TAF2: variants seen among roughly 807,000 people sequenced by gnomAD.
TAF2 encodes the protein TATA-box binding protein associated factor 2.
Under a neutral mutation model 138.5 loss-of-function variants are expected in TAF2, and 61 were observed. The ratio of observed to expected loss-of-function variants is 0.44; its 90% CI spans 0.36 to 0.54. The LOEUF is 0.54. Among genes scored for constraint, TAF2 ranks in the 20% least tolerant of loss-of-function variants. The pLI is 0.00. For synonymous variants in TAF2, 475 were observed against 469.9 expected (o/e 1.01, Z -0.14); for missense variants, 1,090 against 1,427.9 (o/e 0.76, Z 3.81).
intron 2 of TAF2, among the ~76,000 whole-genome samples, chr8:119,823,299 A>C (rs375063966): frequency 5.3e-5 from 8 of 152,182 alleles, no homozygotes; most frequent in Non-Finnish European, 1.2e-4. Context: ...ATTCCACTGA[A>C]GTTACCTGAC....
chr8:119,776,423 C>A (rs1822245574), intron 18 of TAF2, among the ~76,000 whole-genome samples: 1 of 149,294 alleles, frequency 6.7e-6, no homozygotes, highest in Non-Finnish European at 1.5e-5. Flanking sequence ...TGGCTCATGC[C>A]TGTACTCCCA....
intron 2 of TAF2, among the ~76,000 whole-genome samples, chr8:119,828,661 A>G (rs1201163801): frequency 6.6e-6 from 1 of 152,242 alleles, no homozygotes; most frequent in East Asian, 1.9e-4. Context: ...CCATACTACC[A>G]GCTAAGGGAA....
At chr8:119,737,497 ATCTTTT>A (rs762319546) in intron 25 of TAF2, among the ~76,000 whole-genome samples, 68 of 147,312 alleles carry the variant, frequency 4.6e-4, no homozygotes, top group Admixed American at 1.7e-3. Context: ...TAAAGCTTTC[ATCTTTT>A]TCTTTTTCTT....
intron 14 of TAF2, among the ~76,000 whole-genome samples, chr8:119,786,442 A>G (rs945368184): frequency 6.6e-6 from 1 of 152,316 alleles, no homozygotes; most frequent in African/African-American, 2.4e-5. Context: ...ACCAAAAACT[A>G]AAACTTTCAT....
rs899225917 is a variant in TAF2 at position 119,794,412 on chromosome 8, A to G, written c.1192-961T>C. On this transcript the variant is annotated intron_variant, in intron 9 of 25. Coordinates refer to ENST00000378164, the MANE Select transcript of TAF2 (RefSeq NM_003184.4). ...CTCCGTCTCAAAAAAAAAAAAAAGC[A>G]TAAGTTAAAATAAAGACACTACCAC... Among the ~76,000 whole-genome samples, 7 of 150,340 alleles carry G rather than the reference A, an allele frequency of 4.7e-5. No homozygotes were observed. The East Asian group carries it at 5.8e-4, about 12-fold the overall frequency.
At position 119,777,062 on chromosome 8, in the gene TAF2, T is replaced by C. The variant is rs552651450; in HGVS notation, c.2364+957A>G. On this transcript the variant is annotated intron_variant, in intron 18 of 25. Transcript: ENST00000378164. ...GTCATTCTTTCTAAACAGTATAGTA[T>C]TAACAATGATATATATGGCATTTAC... Among the ~76,000 whole-genome samples, 66 of 152,326 alleles carry C rather than the reference T, an allele frequency of 4.3e-4. 1 individual carries two copies. The highest frequency in any genetic ancestry group is 1.5e-3 in the African/African-American group (61 of 41,592).
rs926732874 is a variant in TAF2 at position 119,778,037 on chromosome 8, A to G, written c.2346T>C (p.Asn782=). ...ACCTCACCTTATTTTTCCTGTTGTC[A>G]TTGTACTTGATTAAGTCTAAAATAA... is the stretch of plus-strand genomic sequence containing the variant. The part of the protein sequence containing the change: ...LTFILDLIKY[N]DNRKNKFSDN... Residue 782 remains asparagine (N), a synonymous_variant, in exon 18 of 26, where the codon AAT becomes AAC. Coordinates refer to ENST00000378164, the MANE Select transcript of TAF2 (RefSeq NM_003184.4). 2 of 1,538,888 alleles carry G rather than the reference A, an allele frequency of 1.3e-6. No homozygotes were observed. The highest frequency in any genetic ancestry group is 1.4e-5 in the African/African-American group (1 of 73,012).
chr8:119,806,813 C>T (rs1050950004), intron 3 of TAF2, among the ~76,000 whole-genome samples: 28 of 152,088 alleles, frequency 1.8e-4, no homozygotes, highest in Non-Finnish European at 2.2e-4. Flanking sequence ...TATTTGTAAG[C>T]ATTTTATCTT....
In TAF2 at chr8:119,814,545, G is replaced by A. The variant is rs539976126; in HGVS notation, c.299+4801C>T. ...TTCATTTCTGCTGCCCCTCCTTGGT[G>A]GAAATTAAACTCATTTTTGACACTG... On this transcript the variant is annotated intron_variant, in intron 3 of 25. Transcript: ENST00000378164. Among the ~76,000 whole-genome samples, 24 of 151,892 alleles carry A rather than the reference G, an allele frequency of 1.6e-4. No homozygotes were observed. In the South Asian group the frequency reaches 4.8e-3, roughly 30 times the overall value.
At chr8:119,782,202 C>T (rs1194520955) in intron 16 of TAF2, among the ~76,000 whole-genome samples, 1 of 152,032 alleles carries the variant, frequency 6.6e-6, no homozygotes, top group Non-Finnish European at 1.5e-5. Flanking sequence ...CTAACTGAAC[C>T]AGAAGCCAAA....
At chr8:119,752,170 A>G (rs1314182270) in intron 22 of TAF2, among the ~76,000 whole-genome samples, 1 of 152,216 alleles carries the variant, frequency 6.6e-6, no homozygotes, top group East Asian at 1.9e-4. Flanking sequence ...GCATTGTATT[A>G]TTCTTAAAAT....
intron 9 of TAF2, 60 bp from the exon 10 acceptor site, chr8:119,793,511 C>T (rs1823592807): frequency 1.6e-6 from 2 of 1,213,738 alleles, no homozygotes; most frequent in East Asian, 2.4e-5. Flanking sequence ...TTTTTACATA[C>T]CAAATTTTAG....
chr8:119,798,068 T>C (rs1170141353), intron 6 of TAF2, among the ~76,000 whole-genome samples: 1 of 152,164 alleles, frequency 6.6e-6, no homozygotes, highest in Non-Finnish European at 1.5e-5. Context: ...ATTATAAGTC[T>C]GTGGAATGCT....
intron 2 of TAF2, among the ~76,000 whole-genome samples, chr8:119,828,151 C>T (rs13258336): frequency 0.58 from 88,167 of 151,862 alleles, 25,757 homozygotes; most frequent in Middle Eastern, 0.75. Context: ...GTGCTGGGAT[C>T]ACAGGTGTTA....
intron 2 of TAF2, among the ~76,000 whole-genome samples, chr8:119,827,890 C>T (rs569210532): frequency 6.6e-6 from 1 of 151,994 alleles, no homozygotes; most frequent in Non-Finnish European, 1.5e-5. Context: ...ATTACGGGTG[C>T]CCGCCACCAT....
intron 19 of TAF2, among the ~76,000 whole-genome samples, chr8:119,762,125 G>A (rs1441829526): frequency 1.3e-5 from 2 of 151,996 alleles, no homozygotes; most frequent in African/African-American, 4.8e-5. Flanking sequence ...AGACATCAAA[G>A]CAATGCTTAT....
intron 14 of TAF2, 76 bp from the exon 15 acceptor site, chr8:119,785,342 C>A: frequency 1.0e-6 from 1 of 999,990 alleles, no homozygotes; most frequent in South Asian, 1.3e-5. Flanking sequence ...AGCTAAAATT[C>A]AAATAAAGTA....
chr8:119,772,022 A>T (rs1295833647), intron 18 of TAF2, among the ~76,000 whole-genome samples: 1 of 152,224 alleles, frequency 6.6e-6, no homozygotes, highest in East Asian at 1.9e-4. Flanking sequence ...ATTACAAATC[A>T]ATATCAAGAG....
At chr8:119,804,828 GAGTAGGGAACACCA>G (rs1299564832) in intron 4 of TAF2, among the ~76,000 whole-genome samples, 2 of 152,098 alleles carry the variant, frequency 1.3e-5, no homozygotes, top group Non-Finnish European at 2.9e-5. Flanking sequence ...ATGAGAGGTA[GAGTAGGGAACACCA>G]CCGGAGAATT....
Sources: allele counts gnomAD v4.1 joint callset (sites outside exome capture counted in the v4.1 genomes callset), GRCh38; gene constraint gnomAD v4.1.1; transcripts MANE v1.5; gene names NCBI Gene and HGNC (gene_info 2026-07-23, HGNC 2026-07-21).